The following ACER3 variants were observed in gnomAD, a reference collection of about 807,000 sequenced individuals.
The protein encoded by ACER3 is alkCDase 3.
ACER3 carries 16 observed loss-of-function variants against 48.9 expected under a neutral mutation model. That is an observed-to-expected ratio of 0.33 (90% confidence interval 0.22 to 0.50). The LOEUF is 0.50. ACER3 is among the 20% of genes least tolerant of loss of function. The pLI, the probability that ACER3 is intolerant of heterozygous loss-of-function variation, is 0.98. For missense variants in ACER3, 227 were observed against 326.0 expected (o/e 0.70, Z 2.34); for synonymous variants, 109 against 107.8 (o/e 1.01, Z -0.07).
At chr11:76,995,046 T>A (rs6592692) in intron 6 of ACER3, among the ~76,000 whole-genome samples, 108,012 of 151,908 alleles carry the variant, frequency 0.71, 38,808 homozygotes, top group Non-Finnish European at 0.77. Flanking sequence ...AGGATTTTTT[T>A]AAAAACTAGT....
At chr11:77,005,655 T>C (rs1360114313) in intron 7 of ACER3, among the ~76,000 whole-genome samples, 2 of 151,982 alleles carry the variant, frequency 1.3e-5, no homozygotes, top group Non-Finnish European at 2.9e-5. Flanking sequence ...CCTTGACTTA[T>C]AGCTGCATCA....
intron 7 of ACER3, among the ~76,000 whole-genome samples, chr11:77,010,487 T>C (rs1456092582): frequency 6.9e-6 from 1 of 145,026 alleles, no homozygotes; most frequent in African/African-American, 2.5e-5. Context: ...TATTACTGAA[T>C]AGATAATGTT....
At chr11:76,937,094 G>A (rs999058714) in intron 2 of ACER3, among the ~76,000 whole-genome samples, 1 of 152,014 alleles carries the variant, frequency 6.6e-6, no homozygotes, top group East Asian at 1.9e-4. Flanking sequence ...AATTCTCCAA[G>A]AAAGATATAA....
At chr11:76,941,010 TAA>T (rs1447466878) in intron 2 of ACER3, among the ~76,000 whole-genome samples, 2 of 86,404 alleles carry the variant, frequency 2.3e-5, no homozygotes, top group African/African-American at 4.2e-5. Context: ...TGTGTGTGTA[TAA>T]ACACACACAC....
intron 7 of ACER3, among the ~76,000 whole-genome samples, chr11:77,009,977 T>C (rs1949227725): frequency 6.6e-6 from 1 of 151,934 alleles, no homozygotes; most frequent in Non-Finnish European, 1.5e-5. Flanking sequence ...CACACACATA[T>C]ACAAATAAAG....
At chr11:76,874,850 T>G (rs1011642643) in intron 1 of ACER3, among the ~76,000 whole-genome samples, 3 of 152,172 alleles carry the variant, frequency 2.0e-5, no homozygotes, top group Admixed American at 1.3e-4. Context: ...TGTTTTTAAA[T>G]TCAGGATTTT....
At chr11:76,955,097 G>A (rs1321122476) in intron 2 of ACER3, among the ~76,000 whole-genome samples, 1 of 152,136 alleles carries the variant, frequency 6.6e-6, no homozygotes, top group Non-Finnish European at 1.5e-5. Context: ...CATTAGGATG[G>A]CTGTAATCAC....
In ACER3 at chr11:76,863,537, A is replaced by G. The variant is rs898102456; in HGVS notation, c.103+2458A>G. ...AAGTCATGAGTATCTACAGTAATAT[A>G]TCTTGGACTAAGATAATTTGATCTT... On this transcript the variant is annotated intron_variant, in intron 1 of 10. Transcript: ENST00000532485. 1.6e-4 allele frequency among the ~76,000 whole-genome samples: 24 copies of G among 152,352 alleles called. 2 individuals carry two copies. The highest frequency in any genetic ancestry group is 1.3e-3 in the Admixed American group (20 of 15,302).
intron 4 of ACER3, among the ~76,000 whole-genome samples, chr11:76,984,896 G>A (rs925902552): frequency 3.9e-5 from 6 of 152,088 alleles, no homozygotes; most frequent in Non-Finnish European, 7.4e-5. Context: ...AGGATGTGAG[G>A]AAATTATGTG....
chr11:76,960,586 A>G (rs1947962588), intron 3 of ACER3, among the ~76,000 whole-genome samples: 1 of 152,184 alleles, frequency 6.6e-6, no homozygotes, highest in Non-Finnish European at 1.5e-5. Flanking sequence ...AGTGCTCAGT[A>G]GCCACATTGG....
intron 7 of ACER3, among the ~76,000 whole-genome samples, chr11:77,007,012 T>C (rs1949164955): frequency 6.6e-6 from 1 of 151,862 alleles, no homozygotes; most frequent in South Asian, 2.1e-4. Flanking sequence ...CTCAGGAGAT[T>C]GAGGCAGGAG....
At chr11:76,994,746 A>G (rs1252266922) in intron 6 of ACER3, among the ~76,000 whole-genome samples, 4 of 152,212 alleles carry the variant, frequency 2.6e-5, no homozygotes, top group Admixed American at 2.6e-4. Flanking sequence ...AATATTTTGT[A>G]GAAAAGTTTT....
chr11:76,887,369 G>A (rs1215180824), intron 1 of ACER3, among the ~76,000 whole-genome samples: 3 of 152,188 alleles, frequency 2.0e-5, no homozygotes, highest in South Asian at 4.1e-4. Context: ...AAAGTTATAA[G>A]AGTAGGTGAT....
At chr11:76,934,346 G>A (rs1217566632) in intron 2 of ACER3, among the ~76,000 whole-genome samples, 1 of 152,208 alleles carries the variant, frequency 6.6e-6, no homozygotes, top group African/African-American at 2.4e-5. Flanking sequence ...CGGCTGGGAG[G>A]TGGAGGTTGT....
chr11:77,000,037 C>T (rs4945133), intron 7 of ACER3, among the ~76,000 whole-genome samples: 108,010 of 152,040 alleles, frequency 0.71, 38,768 homozygotes, highest in Non-Finnish European at 0.77. Flanking sequence ...TGCTGAATTG[C>T]TTTTCAGAGT....
intron 1 of ACER3, among the ~76,000 whole-genome samples, chr11:76,919,653 A>C (rs1481233225): frequency 6.6e-6 from 1 of 152,164 alleles, no homozygotes; most frequent in Non-Finnish European, 1.5e-5. Flanking sequence ...GAAATTTTTT[A>C]ATTGAATTTT....
chr11:76,962,999 G>A (rs1249621740), intron 3 of ACER3, among the ~76,000 whole-genome samples: 1 of 151,442 alleles, frequency 6.6e-6, no homozygotes, highest in East Asian at 1.9e-4. Flanking sequence ...GCAAGATAGA[G>A]CAGCTTGGAG....
chr11:76,993,353 T>C (rs1393338988), intron 6 of ACER3, among the ~76,000 whole-genome samples: 1 of 152,208 alleles, frequency 6.6e-6, no homozygotes, highest in Admixed American at 6.5e-5. Context: ...CCTTGTCACA[T>C]AGTAAACACT....
At chr11:76,929,489 C>G (rs13064859) in intron 2 of ACER3, among the ~76,000 whole-genome samples, 1 of 152,200 alleles carries the variant, frequency 6.6e-6, no homozygotes, top group African/African-American at 2.4e-5. Context: ...CCAGAACTTC[C>G]AACACTATGT....
Sources: gnomAD v4.1 joint callset for allele counts (sites outside exome capture counted in the v4.1 genomes callset) on GRCh38, gnomAD v4.1.1 for gene constraint, MANE v1.5 for transcripts, NCBI Gene and HGNC (gene_info 2026-07-23, HGNC 2026-07-21) for gene names.